The following AFF1 variants were observed in gnomAD, a reference collection of about 807,000 sequenced individuals.
AFF1 encodes AF4/FMR2 family member 1.
Under a neutral mutation model 121.7 loss-of-function variants are expected in AFF1, and 48 were observed. That is an observed-to-expected ratio of 0.39 (90% CI 0.31 to 0.50). The LOEUF is 0.50. Among genes scored for constraint, AFF1 ranks in the 20% least tolerant of loss-of-function variants. The pLI, the probability that AFF1 is intolerant of heterozygous loss-of-function variation, is 0.76. For synonymous variants in AFF1, 613 were observed against 563.0 expected, an observed-to-expected ratio of 1.09 and a Z score of -1.26; for missense variants, 1,523 against 1,511.7, an observed-to-expected ratio of 1.01 and a Z score of -0.12.
In AFF1 at chr4:86,951,615, C is replaced by CTTTTTTTTT. The variant is rs748093135; in HGVS notation, c.38+3051_38+3052insTTTTTTTTT. Among the ~76,000 whole-genome samples the CTTTTTTTTT allele has an allele frequency of 1.7e-3, 215 of 124,944 alleles. 4 individuals are homozygous for CTTTTTTTTT. The highest frequency in any genetic ancestry group is 2.4e-3 in the Non-Finnish European group (147 of 62,266). The allele number at this position is 124,944 out of a possible 152,430, so 82.0% of individuals were successfully genotyped here. ...GAACTTTTTTTTCTTTTTCTTTTTT[C>CTTTTTTTTT]TTTTTTTCTTTTTTTTTTTTTTTTT... On this transcript the variant is annotated intron_variant, in intron 2 of 20. Transcript: ENST00000395146.
intron 2 of AFF1, among the ~76,000 whole-genome samples, chr4:87,031,439 G>GTTTT (rs796554313): frequency 5.7e-5 from 8 of 140,736 alleles, no homozygotes; most frequent in Non-Finnish European, 6.2e-5. Context: ...CTTAGCATAT[G>GTTTT]TTTTTTTTTT....
chr4:87,018,312 A>G (rs760083376), intron 2 of AFF1, among the ~76,000 whole-genome samples: 4 of 152,228 alleles, frequency 2.6e-5, no homozygotes, highest in African/African-American at 7.2e-5. Flanking sequence ...AAACTGACAA[A>G]TAAAACAAGT....
chr4:86,953,872 C>T (rs1185132660), intron 2 of AFF1, among the ~76,000 whole-genome samples: 2 of 152,002 alleles, frequency 1.3e-5, no homozygotes, highest in Admixed American at 1.3e-4. Context: ...CCACGCCCAG[C>T]TAATTTTTGT....
intron 2 of AFF1, chr4:86,949,672 C>A (rs1054989777): frequency 1.4e-4 from 225 of 1,560,238 alleles, no homozygotes; most frequent in Non-Finnish European, 1.7e-4. Context: ...GCGCTCAGAG[C>A]AGGAAGGGGA....
At chr4:86,961,999 G>C (rs919515517) in intron 2 of AFF1, among the ~76,000 whole-genome samples, 3 of 152,184 alleles carry the variant, frequency 2.0e-5, no homozygotes, top group African/African-American at 7.2e-5. Context: ...TTCAATAAAT[G>C]AGAGTGGAGA....
At chr4:87,013,043 T>TTTTTTTTTG (rs1726953166) in intron 2 of AFF1, among the ~76,000 whole-genome samples, 3 of 132,060 alleles carry the variant, frequency 2.3e-5, no homozygotes, top group African/African-American at 9.8e-5. Context: ...TTTTTTTTTT[T>TTTTTTTTTG]TTTTTTTTTT....
At chr4:86,989,659 G>A (rs537918818) in intron 2 of AFF1, among the ~76,000 whole-genome samples, 2 of 152,268 alleles carry the variant, frequency 1.3e-5, no homozygotes, top group East Asian at 3.9e-4. Flanking sequence ...ATTTGACCCA[G>A]CAATCCCATT....
chr4:87,127,166 T>TGC (rs1553937307), intron 15 of AFF1, 49 bp downstream of exon 15: 5 of 1,087,348 alleles, frequency 4.6e-6, no homozygotes, highest in Non-Finnish European at 6.5e-6. Context: ...TTGTTTTGCT[T>TGC]CCCCCCCCCA....
At chr4:87,091,421 C>CA (rs916894269) in intron 6 of AFF1, among the ~76,000 whole-genome samples, 39 of 151,756 alleles carry the variant, frequency 2.6e-4, no homozygotes, top group African/African-American at 7.7e-4. Flanking sequence ...AAAAACAAAA[C>CA]AAAAAAAACA....
In AFF1 at chr4:87,047,013, C is replaced by A. The variant is rs61734711; in HGVS notation, c.478C>A (p.Pro160Thr). 2.2e-4 allele frequency: 352 copies of A among 1,614,162 alleles called. 2 individuals carry two copies. In the African/African-American group the frequency reaches 4.2e-3, roughly 19 times the overall value. Residue 160 changes from proline to threonine, a missense_variant, in exon 4 of 21, where the codon CCA (proline) becomes ACA (threonine). This residue lies in a region of AFF1 where 369 missense variants were observed against 367.2 expected (regional missense o/e 1.00). Coordinates refer to ENST00000395146, the MANE Select transcript of AFF1 (RefSeq NM_001166693.3). ...MPSLHAKSCGPPDSQHLTQDR... is the reference protein window; with the variant it reads ...MPSLHAKSCGTPDSQHLTQDR... The stretch of plus-strand genomic sequence containing the variant: ...AAGTCTCCATGCCAAAAGCTGCGGC[C>A]CACCGGACAGCCAGCACCTGACCCA...
chr4:86,963,917 C>T (rs1722333369), intron 2 of AFF1, among the ~76,000 whole-genome samples: 1 of 150,682 alleles, frequency 6.6e-6, no homozygotes, highest in African/African-American at 2.4e-5. Context: ...CCACCTTGGC[C>T]TCCCAAATGC....
At chr4:87,022,694 CTG>C (rs575299633) in intron 2 of AFF1, among the ~76,000 whole-genome samples, 91 of 36,924 alleles carry the variant, frequency 2.5e-3, no homozygotes, top group African/African-American at 8.8e-3. Flanking sequence ...GTATGTATAT[CTG>C]TGTGTATATA....
chr4:87,024,162 C>G (rs1229326123), intron 2 of AFF1, among the ~76,000 whole-genome samples: 1 of 152,162 alleles, frequency 6.6e-6, no homozygotes, highest in East Asian at 1.9e-4. Flanking sequence ...GGCTGATACA[C>G]AGCTTCAGAT....
In AFF1 at chr4:87,046,370, C is replaced by T. The variant is rs184099995; in HGVS notation, c.159+84C>T. ...TGAAACAATTCAGTATAATTGAGTT[C>T]GAACAAGGGTCACAGCTGTGAAAAT... On this transcript the variant is annotated intron_variant, in intron 3 of 20. Transcript: ENST00000395146. 6,493 of 1,487,106 alleles carry T rather than the reference C, an allele frequency of 4.4e-3. 26 individuals are homozygous for T. Among genetic ancestry groups the T allele is most frequent in the Non-Finnish European group, 4.9e-3 (5,382 of 1,099,856 alleles). The allele number at this position is 1,487,106 out of a possible 1,614,324, so 92.1% of individuals were successfully genotyped here.
intron 2 of AFF1, among the ~76,000 whole-genome samples, chr4:86,964,809 G>A (rs1722421941): frequency 6.6e-6 from 1 of 152,094 alleles, no homozygotes; most frequent in African/African-American, 2.4e-5. Flanking sequence ...TTGCATTATT[G>A]TATGGTTTCT....
chr4:87,100,166 T>A (rs1208205813), intron 8 of AFF1, among the ~76,000 whole-genome samples: 1 of 152,138 alleles, frequency 6.6e-6, no homozygotes, highest in East Asian at 1.9e-4. Context: ...AAAGATTGAA[T>A]AAAATATATT....
At chr4:87,130,619 A>G (rs1578320956) in intron 16 of AFF1, among the ~76,000 whole-genome samples, 1 of 152,244 alleles carries the variant, frequency 6.6e-6, no homozygotes, top group Non-Finnish European at 1.5e-5. Context: ...TAAAATGCAT[A>G]TAACAATTAT....
At chr4:87,015,021 C>T (rs1294921775) in intron 2 of AFF1, among the ~76,000 whole-genome samples, 1 of 152,074 alleles carries the variant, frequency 6.6e-6, no homozygotes, top group African/African-American at 2.4e-5. Context: ...AGTTTGAGTC[C>T]ATGATATTAT....
chr4:87,122,522 A>G (rs951492855), intron 12 of AFF1, among the ~76,000 whole-genome samples: 6 of 152,216 alleles, frequency 3.9e-5, no homozygotes, highest in African/African-American at 1.4e-4. Context: ...CCATGCTTGC[A>G]GGAGAAACAG....
Sources: allele counts gnomAD v4.1 joint callset (sites outside exome capture counted in the v4.1 genomes callset), GRCh38; gene constraint gnomAD v4.1.1; regional missense constraint gnomAD v4.1.1; transcripts MANE v1.5; gene names NCBI Gene and HGNC (gene_info 2026-07-23, HGNC 2026-07-21).